The following ZNF469 variants were observed in gnomAD, a reference collection of about 807,000 sequenced individuals.
ZNF469 encodes zinc finger protein 469.
A neutral mutation model predicts 1.0 loss-of-function variants in ZNF469; 1 was observed. That is an observed-to-expected ratio of 1.00 (90% CI 0.35 to 4.73). The LOEUF (loss-of-function observed/expected upper bound fraction) is 4.73. Among genes scored for constraint, ZNF469 ranks in the 30% most tolerant of loss-of-function variants. The pLI is 0.16. For missense variants in ZNF469, 6,100 were observed against 5,356.3 expected, an observed-to-expected ratio of 1.14 and a Z score of -4.33; for synonymous variants, 2,703 against 2,363.4, an observed-to-expected ratio of 1.14 and a Z score of -4.17.
chr16:88,261,581 C>A, the ZNF469 span, among the ~76,000 whole-genome samples: 1 of 152,138 alleles, frequency 6.6e-6, no homozygotes, highest in African/African-American at 2.4e-5. The surrounding 1 kb of genome is among the most constrained non-coding windows in gnomAD (Gnocchi z 6.0). Flanking sequence ...CAGGTCCTGG[C>A]CTTTGTAAAG....
chr16:88,388,246 C>T (rs1022489318), intron 1 of ZNF469, among the ~76,000 whole-genome samples: 33 of 152,252 alleles, frequency 2.2e-4, no homozygotes, highest in African/African-American at 2.4e-4. Context: ...CCCTCCTGGC[C>T]GGTGGGCCAG....
the ZNF469 span, among the ~76,000 whole-genome samples, chr16:88,167,304 C>CCT: frequency 6.6e-6 from 1 of 152,028 alleles, no homozygotes; most frequent in African/African-American, 2.4e-5. Flanking sequence ...TCAGGTGATC[C>CCT]GCCCGCCTCG....
chr16:88,382,371 T>C (rs1599341256), upstream of ZNF469, among the ~76,000 whole-genome samples: 1 of 152,332 alleles, frequency 6.6e-6, no homozygotes, highest in African/African-American at 2.4e-5. Flanking sequence ...CCTGGATGGC[T>C]CCTAGCGCCC....
At chr16:88,288,452 C>T in the ZNF469 span, among the ~76,000 whole-genome samples, 1 of 152,174 alleles carries the variant, frequency 6.6e-6, no homozygotes, top group Admixed American at 6.5e-5. Context: ...TCCTACCCAT[C>T]CACCTATCCA....
upstream of ZNF469, among the ~76,000 whole-genome samples, chr16:88,378,294 T>C (rs573211191): frequency 9.2e-5 from 14 of 152,294 alleles, no homozygotes; most frequent in South Asian, 2.7e-3. Context: ...CTCTGCAGCA[T>C]CCAGACCCAA....
chr16:88,407,275 G>A (rs1055508594), intron 1 of ZNF469, among the ~76,000 whole-genome samples: 1 of 106,430 alleles, frequency 9.4e-6, no homozygotes, highest in Non-Finnish European at 2.1e-5. Context: ...ACACTTCCAG[G>A]GATCCGTCCG....
At chr16:88,274,816 G>A in the ZNF469 span, among the ~76,000 whole-genome samples, 290 of 152,342 alleles carry the variant, frequency 1.9e-3, no homozygotes, top group African/African-American at 6.5e-3. Context: ...ACTCATGGCC[G>A]TAGGATCCTG....
the ZNF469 span, among the ~76,000 whole-genome samples, chr16:88,307,285 A>G: frequency 2.6e-5 from 4 of 152,216 alleles, no homozygotes; most frequent in Admixed American, 1.3e-4. Context: ...CTTTTTGGCT[A>G]TTGTGAATAA....
chr16:88,126,055 G>T, the ZNF469 span, among the ~76,000 whole-genome samples: 2 of 151,716 alleles, frequency 1.3e-5, no homozygotes, highest in Admixed American at 6.6e-5. Flanking sequence ...TGGGAGTGGT[G>T]GTGGGTGCCT....
chr16:88,139,319 A>G, the ZNF469 span, among the ~76,000 whole-genome samples: 2 of 152,088 alleles, frequency 1.3e-5, no homozygotes, highest in East Asian at 3.9e-4. Flanking sequence ...AGTGGATCTG[A>G]AACCTTTTTG....
chr16:88,243,173 T>G, the ZNF469 span, among the ~76,000 whole-genome samples: 1 of 152,180 alleles, frequency 6.6e-6, no homozygotes, highest in Non-Finnish European at 1.5e-5. Context: ...GGTGGCCAGC[T>G]CATAAGCTCC....
the ZNF469 span, among the ~76,000 whole-genome samples, chr16:88,133,154 G>A: frequency 2.0e-5 from 3 of 152,346 alleles, no homozygotes; most frequent in Non-Finnish European, 4.4e-5. Context: ...GCAGCGTACC[G>A]GCCACAGCAC....
the ZNF469 span, among the ~76,000 whole-genome samples, chr16:88,305,541 C>A: frequency 6.7e-6 from 1 of 149,664 alleles, no homozygotes; most frequent in Non-Finnish European, 1.5e-5. Context: ...CTCACAGGCA[C>A]ACATGTGTGC....
At position 88,433,494 on chromosome 16, in the gene ZNF469, C is replaced by A. The variant is rs1420732897; in HGVS notation, c.6024C>A (p.Ser2008Arg). The A allele has an allele frequency of 5.8e-6, 9 of 1,550,390 alleles. 1 individual carries two copies. The highest frequency in any genetic ancestry group is 1.7e-4 in the Middle Eastern group (1 of 5,992). The change falls in exon 3 of 3, where the codon AGC (serine) becomes AGA (arginine). Residue 2008 changes from serine to arginine, a missense_variant. Ser to Arg is a moderately radical substitution (Grantham distance 110). Coordinates refer to ENST00000565624, the MANE Select transcript of ZNF469 (RefSeq NM_001367624.2). The part of the protein sequence containing the change: ...ANQLQPENGV[S>R]PGGTDNHASV... ...AGCTTCAGCCAGAGAACGGGGTGAG[C>A]CCAGGGGGCACGGACAACCACGCCT...
chr16:88,286,451 G>A, the ZNF469 span, among the ~76,000 whole-genome samples: 4 of 152,292 alleles, frequency 2.6e-5, no homozygotes, highest in South Asian at 2.1e-4. Context: ...CCATCTGAAC[G>A]CCGGGTATTT....
chr16:88,373,715 G>A, the ZNF469 span, among the ~76,000 whole-genome samples: 1 of 152,202 alleles, frequency 6.6e-6, no homozygotes, highest in Admixed American at 6.5e-5. Context: ...GAGAAGAAAC[G>A]GCAGGGTGCG....
the ZNF469 span, among the ~76,000 whole-genome samples, chr16:88,112,354 C>T: frequency 2.0e-5 from 3 of 152,164 alleles, no homozygotes; most frequent in Non-Finnish European, 4.4e-5. Flanking sequence ...TTTGAGGAAC[C>T]GCCAAACTGT....
the ZNF469 span, among the ~76,000 whole-genome samples, chr16:88,353,164 A>C: frequency 6.6e-6 from 1 of 152,026 alleles, no homozygotes; most frequent in African/African-American, 2.4e-5. Flanking sequence ...AGTCCTGCGG[A>C]CAGTGCACCT....
At chr16:88,380,317 ACTCACACATGCACTCACACATGCG>A (rs1599339504), upstream of ZNF469, among the ~76,000 whole-genome samples, 16 of 138,264 alleles carry the variant, frequency 1.2e-4, 2 homozygotes, top group East Asian at 3.4e-3. Context: ...ACAGACATGC[ACTCACACATGCACTCACACATGCG>A]CTCACACACA....
Sources: gnomAD v4.1 joint callset for allele counts (sites outside exome capture counted in the v4.1 genomes callset) on GRCh38, gnomAD v4.1.1 for gene constraint, Gnocchi (gnomAD v3.1) non-coding constraint, MANE v1.5 for transcripts, NCBI Gene and HGNC (gene_info 2026-07-23, HGNC 2026-07-21) for gene names.